The following NUP35 variants were observed in gnomAD, a reference collection of about 807,000 sequenced individuals.
The protein encoded by NUP35 is nucleoporin NUP35.
A neutral mutation model predicts 41.5 loss-of-function variants in NUP35; 25 were observed. The ratio of observed to expected loss-of-function variants is 0.60; its 90% confidence interval spans 0.44 to 0.84. The LOEUF is 0.84. NUP35 is among the 40% of genes least tolerant of loss of function. The probability of loss-of-function intolerance (pLI) is 0.00; values close to 1 mark genes in which losing one functional copy is unlikely to be tolerated. For synonymous variants in NUP35, 149 were observed against 130.7 expected, an observed-to-expected ratio of 1.14 and a Z score of -0.96; for missense variants, 396 against 396.6, an observed-to-expected ratio of 1.00 and a Z score of 0.01.
rs77265592 is a variant in NUP35, at chr2:183,145,296, G to C, written c.398-6212G>C. ...TGAACAGGTTGAATATCCCTTAGCA[G>C]AACTGCTTAGGACCAGAAGAGTTTC... On this transcript the variant is annotated intron_variant, in intron 4 of 8. Coordinates refer to ENST00000295119, the MANE Select transcript of NUP35 (RefSeq NM_138285.5). Among the ~76,000 whole-genome samples the C allele has an allele frequency of 2.4e-3, 361 of 152,298 alleles. 3 individuals are homozygous for C. The highest frequency in any genetic ancestry group is 8.3e-3 in the African/African-American group (345 of 41,568).
At chr2:183,148,362 A>G (rs1685350943) in intron 4 of NUP35, among the ~76,000 whole-genome samples, 1 of 152,148 alleles carries the variant, frequency 6.6e-6, no homozygotes, top group Non-Finnish European at 1.5e-5. Context: ...TTCTATTTTT[A>G]GTTCTTTGAG....
chr2:183,157,643 A>G (rs1284636785), intron 6 of NUP35, 130 bp downstream of exon 6: 1 of 647,022 alleles, frequency 1.5e-6, no homozygotes, highest in African/African-American at 1.8e-5. Flanking sequence ...GATATAATAC[A>G]TCCTTTGAAG....
intron 2 of NUP35, 45 bp downstream of exon 2, chr2:183,128,502 G>C (rs1239219956): frequency 6.8e-7 from 1 of 1,470,516 alleles, no homozygotes; most frequent in Non-Finnish European, 9.2e-7. Context: ...GCTAGATACA[G>C]GGATGTCCAA....
intron 4 of NUP35, among the ~76,000 whole-genome samples, chr2:183,151,291 A>C (rs75186289): frequency 0.045 from 6,903 of 152,294 alleles, 244 homozygotes; most frequent in South Asian, 0.15. Context: ...TTTATCATAC[A>C]TAATAAAACA....
upstream of NUP35, chr2:183,120,091 G>C (rs1458290302): frequency 1.7e-4 from 26 of 152,230 alleles, 2 homozygotes; most frequent in Admixed American, 1.7e-3. Flanking sequence ...AGAAAAGGAG[G>C]CTTCTGTAGA....
At chr2:183,128,043 A>G (rs942123726) in intron 1 of NUP35, among the ~76,000 whole-genome samples, 14 of 151,876 alleles carry the variant, frequency 9.2e-5, no homozygotes, top group African/African-American at 2.4e-4. Context: ...ACTGCACTCC[A>G]GCCTGGTGAC....
intron 1 of NUP35, among the ~76,000 whole-genome samples, chr2:183,125,074 A>G (rs1369851859): frequency 1.3e-5 from 2 of 151,780 alleles, no homozygotes; most frequent in African/African-American, 2.4e-5. Context: ...TGAGATATTG[A>G]CCTTAACAGC....
intron 5 of NUP35, among the ~76,000 whole-genome samples, chr2:183,155,538 C>A (rs1230155014): frequency 6.7e-6 from 1 of 148,262 alleles, no homozygotes; most frequent in Non-Finnish European, 1.5e-5. Flanking sequence ...TTTTCTTCTT[C>A]TTCTTTTACA....
At position 183,124,505 on chromosome 2, in the gene NUP35, A is replaced by C. The variant is rs560938736; in HGVS notation, c.40+8A>C. 6.2e-6 allele frequency: 10 copies of C among 1,614,086 alleles called. No individual in the cohort carries two copies. The South Asian group carries it at 1.1e-4, about 18-fold the overall frequency. On this transcript the variant is annotated splice_region_variant and intron_variant, in intron 1 of 8. Transcript: ENST00000295119. ...CTCAGGGGCCCGCGTTAGGTGAGTGAAATATTGCTTTTCCTTGCTGGCACT... is the reference window on the plus strand; with the variant it reads ...CTCAGGGGCCCGCGTTAGGTGAGTGCAATATTGCTTTTCCTTGCTGGCACT...
intron 5 of NUP35, among the ~76,000 whole-genome samples, chr2:183,153,291 C>A (rs773335538): frequency 3.3e-5 from 5 of 152,144 alleles, no homozygotes; most frequent in Admixed American, 6.5e-5. Flanking sequence ...CGTTTCAAAA[C>A]CAATCATGGT....
intron 5 of NUP35, among the ~76,000 whole-genome samples, chr2:183,152,516 T>C (rs926948276): frequency 6.6e-6 from 1 of 152,192 alleles, no homozygotes; most frequent in Non-Finnish European, 1.5e-5. Flanking sequence ...CTCCCACTTA[T>C]GAGTGAGAAC....
chr2:183,126,181 G>C (rs1461145509), intron 1 of NUP35, among the ~76,000 whole-genome samples: 1 of 152,116 alleles, frequency 6.6e-6, no homozygotes, highest in Non-Finnish European at 1.5e-5. Flanking sequence ...ACCACAGTGT[G>C]CCGCCACTCC....
intron 4 of NUP35, among the ~76,000 whole-genome samples, chr2:183,147,493 G>A (rs746982308): frequency 6.6e-6 from 1 of 152,122 alleles, no homozygotes; most frequent in African/African-American, 2.4e-5. Context: ...TCCATTGTTT[G>A]TAGGTGTGTG....
At chr2:183,136,121 C>A (rs1056365195) in intron 4 of NUP35, among the ~76,000 whole-genome samples, 3 of 152,316 alleles carry the variant, frequency 2.0e-5, no homozygotes, top group African/African-American at 7.2e-5. Context: ...TAGTCATTTT[C>A]TATCACGATG....
chr2:183,131,931 G>C (rs1395982065), intron 3 of NUP35, among the ~76,000 whole-genome samples: 1 of 152,120 alleles, frequency 6.6e-6, no homozygotes, highest in Non-Finnish European at 1.5e-5. Context: ...TGATTAGTTT[G>C]GTATGAAGGC....
intron 1 of NUP35, among the ~76,000 whole-genome samples, chr2:183,126,424 T>C (rs372811608): frequency 1.3e-5 from 2 of 152,210 alleles, no homozygotes; most frequent in African/African-American, 4.8e-5. Flanking sequence ...GTGAATGTAG[T>C]GAATGTTACC....
intron 4 of NUP35, among the ~76,000 whole-genome samples, chr2:183,147,423 A>G (rs558123406): frequency 8.6e-4 from 131 of 152,254 alleles, no homozygotes; most frequent in African/African-American, 3.0e-3. Context: ...TTTTCCTTGC[A>G]CCATCTATTG....
At chr2:183,123,850 T>C (rs1264810227), upstream of NUP35, 1 of 981,676 alleles carries the variant, frequency 1.0e-6, no homozygotes, top group African/African-American at 1.8e-5. Context: ...TCTTCCATTA[T>C]TTACATGTGT....
upstream of NUP35, among the ~76,000 whole-genome samples, chr2:183,123,002 C>G (rs1458078949): frequency 6.6e-6 from 1 of 152,166 alleles, no homozygotes; most frequent in Non-Finnish European, 1.5e-5. Context: ...TAAATGTCAT[C>G]ACAAGGCTAT....
Sources: gnomAD v4.1 joint callset for allele counts (sites outside exome capture counted in the v4.1 genomes callset) on GRCh38, gnomAD v4.1.1 for gene constraint, MANE v1.5 for transcripts, NCBI Gene and HGNC (gene_info 2026-07-23, HGNC 2026-07-21) for gene names.